The following CCSER1 variants were observed in gnomAD, a reference collection of about 807,000 sequenced individuals.
The protein encoded by CCSER1 is serine-rich coiled-coil domain-containing protein 1.
In CCSER1, 41 loss-of-function variants were observed where a neutral mutation model predicts 82.0. That is an observed-to-expected ratio of 0.50 (90% confidence interval 0.39 to 0.65). The LOEUF (loss-of-function observed/expected upper bound fraction) is 0.65, where lower values mean the gene tolerates loss of function less well. CCSER1 is among the 30% of genes least tolerant of loss of function. The pLI, the probability that CCSER1 is intolerant of heterozygous loss-of-function variation, is 0.00. For missense variants in CCSER1, 1,119 were observed against 1,064.2 expected (o/e 1.05, Z -0.72); for synonymous variants, 414 against 383.9 (o/e 1.08, Z -0.92).
At chr4:90,852,075 A>G (rs1763953162) in intron 8 of CCSER1, among the ~76,000 whole-genome samples, 1 of 152,140 alleles carries the variant, frequency 6.6e-6, no homozygotes, top group Admixed American at 6.6e-5. Context: ...GTAGTTTTAG[A>G]TAATCCAGCA....
chr4:91,263,559 C>T (rs915764268), intron 10 of CCSER1, among the ~76,000 whole-genome samples: 1 of 151,980 alleles, frequency 6.6e-6, no homozygotes, highest in Non-Finnish European at 1.5e-5. Context: ...CCCTAGCCTA[C>T]ATCTCTGACA....
At chr4:90,742,851 C>T (rs1344119265) in intron 7 of CCSER1, among the ~76,000 whole-genome samples, 2 of 152,006 alleles carry the variant, frequency 1.3e-5, no homozygotes, top group Admixed American at 6.6e-5. Flanking sequence ...ATGTGTAATT[C>T]AACTACTGTT....
chr4:90,624,236 G>T (rs913904291), intron 5 of CCSER1, among the ~76,000 whole-genome samples: 4 of 152,208 alleles, frequency 2.6e-5, no homozygotes, highest in Non-Finnish European at 2.9e-5. Flanking sequence ...ATAAGGAAAG[G>T]TTCCTATGAC....
At chr4:91,042,820 C>G (rs7654931) in intron 9 of CCSER1, among the ~76,000 whole-genome samples, 9,254 of 152,182 alleles carry the variant, frequency 0.061, 347 homozygotes, top group African/African-American at 0.099. Flanking sequence ...GGGAAATTAA[C>G]AAATGATCTT....
chr4:90,756,392 A>G (rs73833790), intron 7 of CCSER1, among the ~76,000 whole-genome samples: 9,451 of 152,196 alleles, frequency 0.062, 728 homozygotes, highest in African/African-American at 0.18. Context: ...TAATGCAAAA[A>G]TAATACAAAC....
At chr4:90,172,417 A>G (rs944079190) in intron 1 of CCSER1, among the ~76,000 whole-genome samples, 1 of 151,910 alleles carries the variant, frequency 6.6e-6, no homozygotes. Flanking sequence ...TACCGTAGAA[A>G]GATTCTTTTA....
intron 9 of CCSER1, among the ~76,000 whole-genome samples, chr4:91,018,342 T>C (rs1026373096): frequency 2.0e-5 from 3 of 152,112 alleles, no homozygotes; most frequent in Non-Finnish European, 2.9e-5. Context: ...TTGAATCAAC[T>C]ATCAAATCGG....
intron 3 of CCSER1, among the ~76,000 whole-genome samples, chr4:90,329,293 T>A (rs1168629400): frequency 3.3e-5 from 5 of 152,158 alleles, no homozygotes; most frequent in African/African-American, 1.2e-4. Context: ...ATAATAATAA[T>A]ACTGCCCACC....
chr4:90,258,729 T>G (rs965264787), intron 1 of CCSER1, among the ~76,000 whole-genome samples: 1 of 152,198 alleles, frequency 6.6e-6, no homozygotes, highest in Non-Finnish European at 1.5e-5. Flanking sequence ...CAATAGTTTT[T>G]GGGGTACAGG....
At chr4:91,481,138 T>C (rs1007324828) in intron 10 of CCSER1, among the ~76,000 whole-genome samples, 3 of 145,258 alleles carry the variant, frequency 2.1e-5, no homozygotes, top group African/African-American at 5.0e-5. Context: ...ATGTCAACCA[T>C]TGTGACATGC....
intron 8 of CCSER1, among the ~76,000 whole-genome samples, chr4:90,826,044 C>T (rs1171922945): frequency 1.3e-5 from 2 of 152,056 alleles, no homozygotes; most frequent in African/African-American, 4.8e-5. Context: ...CAAGCTAATA[C>T]AAAAAGTGGA....
At chr4:90,792,025 T>C (rs1755334201) in intron 7 of CCSER1, among the ~76,000 whole-genome samples, 2 of 152,182 alleles carry the variant, frequency 1.3e-5, no homozygotes, top group Non-Finnish European at 2.9e-5. Flanking sequence ...TGCCCATATA[T>C]AGTATTGGTT....
At chr4:91,119,142 T>C (rs536801992) in intron 10 of CCSER1, among the ~76,000 whole-genome samples, 1 of 152,328 alleles carries the variant, frequency 6.6e-6, no homozygotes, top group East Asian at 1.9e-4. Context: ...TATTCAGAGA[T>C]GCATATGCTT....
chr4:90,559,074 C>T (rs937675183), intron 5 of CCSER1, among the ~76,000 whole-genome samples: 2 of 152,164 alleles, frequency 1.3e-5, no homozygotes, highest in East Asian at 3.9e-4. Flanking sequence ...GTCCATTGCA[C>T]TCCTTTTCCT....
chr4:91,536,024 A>T (rs1027912088), intron 10 of CCSER1, among the ~76,000 whole-genome samples: 2 of 152,084 alleles, frequency 1.3e-5, no homozygotes, highest in Non-Finnish European at 2.9e-5. Context: ...ATATTAACTC[A>T]TACCAATGTA....
chr4:91,489,675 C>A (rs1003745735), intron 10 of CCSER1, among the ~76,000 whole-genome samples: 18 of 152,066 alleles, frequency 1.2e-4, no homozygotes, highest in African/African-American at 3.9e-4. Context: ...GTAATCCCAG[C>A]TACTTGGGAG....
At chr4:90,146,633 T>C (rs1725857796) in intron 1 of CCSER1, among the ~76,000 whole-genome samples, 2 of 152,200 alleles carry the variant, frequency 1.3e-5, no homozygotes, top group East Asian at 3.9e-4. Context: ...TTATCGAAAT[T>C]GGCTTAGTGT....
chr4:90,466,035 G>A (rs1275163809), intron 4 of CCSER1, among the ~76,000 whole-genome samples: 2 of 152,126 alleles, frequency 1.3e-5, no homozygotes, highest in East Asian at 1.9e-4. Context: ...AATGGCTTTG[G>A]TAGGCAGAAT....
chr4:90,301,642 C>A (rs1396115692), intron 1 of CCSER1, among the ~76,000 whole-genome samples: 3 of 151,848 alleles, frequency 2.0e-5, no homozygotes, highest in Non-Finnish European at 4.4e-5. Context: ...GTAATAAAGA[C>A]CCCTAGATAA....
Sources: gnomAD v4.1 joint callset for allele counts (sites outside exome capture counted in the v4.1 genomes callset) on GRCh38, gnomAD v4.1.1 for gene constraint, MANE v1.5 for transcripts, NCBI Gene and HGNC (gene_info 2026-07-23, HGNC 2026-07-21) for gene names.